SYNDIG1L: variants seen among roughly 807,000 people sequenced by gnomAD.
SYNDIG1L encodes the protein synapse differentiation inducing 1 like.
In SYNDIG1L, 13 loss-of-function variants were observed where a neutral mutation model predicts 20.1. The ratio of observed to expected loss-of-function variants is 0.65; its 90% CI spans 0.42 to 1.03. SYNDIG1L has a LOEUF of 1.03. Among genes scored for constraint, SYNDIG1L ranks in the 50% least tolerant of loss-of-function variants. The pLI, the probability that SYNDIG1L is intolerant of heterozygous loss-of-function variation, is 0.00. For missense variants in SYNDIG1L, 294 were observed against 305.1 expected, an observed-to-expected ratio of 0.96 and a Z score of 0.27; for synonymous variants, 128 against 129.3, an observed-to-expected ratio of 0.99 and a Z score of 0.07.
At chr14:74,461,136 T>C in the SYNDIG1L span, among the ~76,000 whole-genome samples, 2 of 149,468 alleles carry the variant, frequency 1.3e-5, no homozygotes, top group East Asian at 4.0e-4. Context: ...GACTACACAG[T>C]CAGGTTTCTC....
Position 74,406,456 on chromosome 14 carries a change from A to C in SYNDIG1L, c.*1079T>G. ...TGCCACATCCCTGCCTACAAATACA[A>C]AGAGTTATGTGACCAAATCCCTTAG... is the stretch of plus-strand genomic sequence containing the variant. On this transcript the variant is annotated 3_prime_UTR_variant, in exon 4 of 4. Coordinates refer to ENST00000331628, the MANE Select transcript of SYNDIG1L (RefSeq NM_001105579.2). 5.4e-6 allele frequency: 1 copy of C among 183,930 alleles called. No individual in the cohort carries two copies. The highest frequency in any genetic ancestry group is 1.1e-5 in the Non-Finnish European group (1 of 89,380). 11.4% of individuals were successfully genotyped at this position (183,930 alleles called of 1,614,324 possible). A position where few individuals can be genotyped will look rare whatever the true frequency, so the allele number is the denominator to read the frequency against.
At chr14:74,422,680 C>CACACACACACACACACACAA (rs1595199308) in intron 1 of SYNDIG1L, among the ~76,000 whole-genome samples, 1 of 149,850 alleles carries the variant, frequency 6.7e-6, no homozygotes. Context: ...CACACACACA[C>CACACACACACACACACACAA]AATTTCTCTT....
At chr14:74,415,627 C>A (rs1184121689) in intron 1 of SYNDIG1L, among the ~76,000 whole-genome samples, 1 of 152,050 alleles carries the variant, frequency 6.6e-6, no homozygotes, top group African/African-American at 2.4e-5. Context: ...TGCGCCTCGA[C>A]TTTTTGGGCT....
At chr14:74,446,570 G>T in the SYNDIG1L span, among the ~76,000 whole-genome samples, 2 of 148,890 alleles carry the variant, frequency 1.3e-5, no homozygotes, top group Non-Finnish European at 3.0e-5. Context: ...CTATGGTAAA[G>T]AATTCTCAAA....
In SYNDIG1L at chr14:74,407,146, T is replaced by G. The variant is rs1289279758; in HGVS notation, c.*389A>C. 4.1e-6 allele frequency: 1 copy of G among 244,596 alleles called. No homozygotes were observed. Among genetic ancestry groups the G allele is most frequent in the Non-Finnish European group, 8.0e-6 (1 of 125,300 alleles). 15.2% of individuals were successfully genotyped at this position (244,596 alleles called of 1,614,324 possible). On this transcript the variant is annotated 3_prime_UTR_variant, in exon 4 of 4. Transcript: ENST00000331628. ...CCCTTGTGCTCTGGGCACCCCCTTT[T>G]CTCCCTGTAACCTCCTGCTCTTTCT...
At chr14:74,423,348 C>A (rs2086239024) in intron 1 of SYNDIG1L, among the ~76,000 whole-genome samples, 2 of 152,216 alleles carry the variant, frequency 1.3e-5, no homozygotes, top group Non-Finnish European at 2.9e-5. Context: ...GCCAGCTCCT[C>A]TGCAGACCAG....
the SYNDIG1L span, among the ~76,000 whole-genome samples, chr14:74,460,731 G>A: frequency 6.6e-6 from 1 of 152,176 alleles, no homozygotes; most frequent in South Asian, 2.1e-4. Flanking sequence ...CGCCTCCTGG[G>A]TTCAAGCCAT....
At chr14:74,464,938 C>T in the SYNDIG1L span, among the ~76,000 whole-genome samples, 2 of 152,186 alleles carry the variant, frequency 1.3e-5, no homozygotes, top group South Asian at 2.1e-4. Context: ...AGCCCCCGCA[C>T]CCCACCCTTC....
chr14:74,476,869 G>A, the SYNDIG1L span, among the ~76,000 whole-genome samples: 1 of 152,004 alleles, frequency 6.6e-6, no homozygotes, highest in African/African-American at 2.4e-5. Context: ...TAAGTGAATC[G>A]GATTCAGTTT....
the SYNDIG1L span, among the ~76,000 whole-genome samples, chr14:74,477,039 A>AACACACACAC: frequency 1.6e-4 from 16 of 97,068 alleles, no homozygotes; most frequent in East Asian, 1.4e-3. Flanking sequence ...CCCCATTCCC[A>AACACACACAC]ACACACACAC....
At chr14:74,432,180 T>TGAGAGA in the SYNDIG1L span, among the ~76,000 whole-genome samples, 113 of 124,134 alleles carry the variant, frequency 9.1e-4, no homozygotes, top group East Asian at 3.0e-3. Context: ...TGTGTGTGTG[T>TGAGAGA]GAGAGAGAGA....
chr14:74,442,442 G>A, the SYNDIG1L span, among the ~76,000 whole-genome samples: 38 of 152,292 alleles, frequency 2.5e-4, no homozygotes, highest in African/African-American at 7.9e-4. Context: ...CAGGATGCAC[G>A]AAAGTTCTGT....
chr14:74,451,790 G>A, the SYNDIG1L span, among the ~76,000 whole-genome samples: 1 of 152,004 alleles, frequency 6.6e-6, no homozygotes, highest in African/African-American at 2.4e-5. Context: ...AGGAGTTCGA[G>A]ACCAGCCTGG....
rs1487542435 is a variant in SYNDIG1L at position 74,409,530 on chromosome 14, C to T, written c.215G>A (p.Cys72Tyr). Residue 72 changes from cysteine to tyrosine, a missense_variant, in exon 2 of 4, where the codon TGC becomes TAC. Physicochemically the swap from Cys to Tyr is radical, Grantham distance 194. Coordinates refer to ENST00000331628, the MANE Select transcript of SYNDIG1L (RefSeq NM_001105579.2). ...CTTGACCTTGTCTCTCCCCAGGAGGCAGCTGGGCCGGTACCAGGCCTCCAC... is the reference window on the plus strand; with the variant it reads ...CTTGACCTTGTCTCTCCCCAGGAGGTAGCTGGGCCGGTACCAGGCCTCCAC... ...LAVEAWYRPSCLLGRDKVKEP... is the reference protein window; with the variant it reads ...LAVEAWYRPSYLLGRDKVKEP... The T allele has an allele frequency of 2.5e-6, 4 of 1,586,708 alleles. No individual in the cohort carries two copies. In the African/African-American group the frequency reaches 5.4e-5, roughly 21 times the overall value.
At chr14:74,469,932 A>G in the SYNDIG1L span, among the ~76,000 whole-genome samples, 42 of 152,288 alleles carry the variant, frequency 2.8e-4, no homozygotes, top group Admixed American at 2.7e-3. Context: ...TTTTCGTGAC[A>G]AAGACAGTCC....
At chr14:74,462,475 C>T in the SYNDIG1L span, among the ~76,000 whole-genome samples, 19 of 151,722 alleles carry the variant, frequency 1.3e-4, no homozygotes, top group Admixed American at 6.6e-4. Context: ...CAGAATGAGA[C>T]GCTATCTCAA....
the SYNDIG1L span, among the ~76,000 whole-genome samples, chr14:74,468,050 G>C: frequency 6.6e-6 from 1 of 152,028 alleles, no homozygotes; most frequent in African/African-American, 2.4e-5. Context: ...AGGCAGGAAG[G>C]CTCCCTGTGC....
chr14:74,472,956 GC>G, the SYNDIG1L span, among the ~76,000 whole-genome samples: 14 of 152,188 alleles, frequency 9.2e-5, no homozygotes, highest in Non-Finnish European at 1.8e-4. Context: ...GATCATGACA[GC>G]TGGGTATACA....
chr14:74,451,942 A>G, the SYNDIG1L span, among the ~76,000 whole-genome samples: 1 of 146,868 alleles, frequency 6.8e-6, no homozygotes, highest in Non-Finnish European at 1.5e-5. Context: ...GTGAGCCGAG[A>G]CCATGCCATT....
Sources: allele counts gnomAD v4.1 joint callset (sites outside exome capture counted in the v4.1 genomes callset), GRCh38; gene constraint gnomAD v4.1.1; transcripts MANE v1.5; gene names NCBI Gene and HGNC (gene_info 2026-07-23, HGNC 2026-07-21).